The following ENO4 variants were observed in gnomAD, a reference collection of about 807,000 sequenced individuals.
The protein encoded by ENO4 is 2-phospho-D-glycerate hydro-lyase.
In ENO4, 53 loss-of-function variants were observed where a neutral mutation model predicts 63.2. That is an observed-to-expected ratio of 0.84 (90% confidence interval 0.67 to 1.05). The LOEUF (loss-of-function observed/expected upper bound fraction) is 1.05. Ranked by LOEUF, ENO4 falls within the 50% of genes least tolerant of loss-of-function variation. The probability of loss-of-function intolerance (pLI) is 0.00; values close to 1 mark genes in which losing one functional copy is unlikely to be tolerated. For missense variants in ENO4, 719 were observed against 772.0 expected, an observed-to-expected ratio of 0.93 and a Z score of 0.81; for synonymous variants, 266 against 283.8, an observed-to-expected ratio of 0.94 and a Z score of 0.63.
At chr10:116,849,909 G>A (rs1846020386) in intron 1 of ENO4, 178 bp downstream of exon 1, 2 of 772,200 alleles carry the variant, frequency 2.6e-6, no homozygotes, top group Non-Finnish European at 4.5e-6. Context: ...ACACCCAGGG[G>A]TGAAGGGATC....
chr10:116,909,181 G>T (rs756269972), intron 10 of ENO4, among the ~76,000 whole-genome samples: 2 of 152,076 alleles, frequency 1.3e-5, no homozygotes, highest in Non-Finnish European at 2.9e-5. Flanking sequence ...TCATTGATAG[G>T]GCTGGATCTA....
At chr10:116,877,643 G>C (rs1332004249) in intron 11 of ENO4, among the ~76,000 whole-genome samples, 2 of 152,164 alleles carry the variant, frequency 1.3e-5, no homozygotes, top group Non-Finnish European at 2.9e-5. Context: ...GGCAGAATCT[G>C]AGTCATGAAG....
At chr10:116,894,758 G>C (rs1234613343) in intron 10 of ENO4, among the ~76,000 whole-genome samples, 2 of 152,200 alleles carry the variant, frequency 1.3e-5, no homozygotes, top group Non-Finnish European at 2.9e-5. Flanking sequence ...TCACCTTCCT[G>C]AAAGTAATTA....
chr10:116,860,324 G>T (rs1453022103), intron 4 of ENO4, among the ~76,000 whole-genome samples: 2 of 152,186 alleles, frequency 1.3e-5, no homozygotes, highest in African/African-American at 2.4e-5. Context: ...ACAGAACAAG[G>T]CATTGGTTTG....
chr10:116,911,771 A>C (rs1848210173), exon 11 of ENO4: 1 of 1,603,622 alleles, frequency 6.2e-7, no homozygotes, highest in African/African-American at 1.3e-5. Context: ...CTAAACAATA[A>C]ACTGAAATCT....
intron 10 of ENO4, among the ~76,000 whole-genome samples, chr10:116,907,347 C>T (rs746025641): frequency 6.6e-6 from 1 of 152,160 alleles, no homozygotes; most frequent in Non-Finnish European, 1.5e-5. Flanking sequence ...GAGAGGCAAG[C>T]AAGGGTCGGC....
chr10:116,901,845 G>A (rs1469516939), intron 10 of ENO4: 2 of 1,605,644 alleles, frequency 1.2e-6, no homozygotes, highest in South Asian at 2.2e-5. Flanking sequence ...GGGACGGGCT[G>A]TTGAATTCTG....
downstream of ENO4, chr10:116,886,425 C>G: frequency 6.2e-7 from 1 of 1,607,014 alleles, no homozygotes; most frequent in South Asian, 1.1e-5. Context: ...CTTCATCCTC[C>G]TTGTGTTGAG....
At chr10:116,893,602 A>ACACACACACACACACACG (rs1847415903) in intron 10 of ENO4, among the ~76,000 whole-genome samples, 2 of 151,946 alleles carry the variant, frequency 1.3e-5, no homozygotes, top group African/African-American at 4.8e-5. Flanking sequence ...ACACACGAGA[A>ACACACACACACACACACG]AGAAAGCGGA....
intron 11 of ENO4, 53 bp downstream of exon 11, chr10:116,876,313 AC>A: frequency 7.5e-7 from 1 of 1,332,144 alleles, no homozygotes; most frequent in Non-Finnish European, 1.0e-6. Flanking sequence ...TATACAAGAA[AC>A]CAAAAATACA....
chr10:116,876,878 G>A (rs1464005215), intron 11 of ENO4, among the ~76,000 whole-genome samples: 1 of 152,084 alleles, frequency 6.6e-6, no homozygotes. Context: ...GTGAACTTGG[G>A]AGGCGGAGCT....
In ENO4 at chr10:116,881,805, A is replaced by C; in HGVS notation, c.*136A>C. The stretch of plus-strand genomic sequence containing the variant: ...TTGTGGTTTTTATTCTTCTAATTCC[A>C]CTGTTTGGTAAATTACATATATGAT... On this transcript the variant is annotated 3_prime_UTR_variant, in exon 14 of 14. Coordinates refer to ENST00000341276, the MANE Select transcript of ENO4 (RefSeq NM_001242699.2). 1 of 639,938 alleles carries C rather than the reference A, an allele frequency of 1.6e-6. No homozygotes were observed. Among genetic ancestry groups the C allele is most frequent in the Non-Finnish European group, 2.3e-6 (1 of 425,914 alleles). 39.6% of individuals were successfully genotyped at this position (639,938 alleles called of 1,614,324 possible).
intron 10 of ENO4, among the ~76,000 whole-genome samples, chr10:116,899,660 G>A (rs182977703): frequency 2.0e-5 from 3 of 152,144 alleles, no homozygotes; most frequent in South Asian, 2.1e-4. Flanking sequence ...CGCCACTCAC[G>A]TGAAACACTA....
At position 116,900,938 on chromosome 10, in the gene ENO4, T is replaced by A. The variant is rs144968582; in HGVS notation, c.1195-10561T>A. Reference sequence around the variant, plus strand: ...TTGGCAAAAATAGATCCAAATTGAATTCCAACTTCATTTGTCCAGGTTTCA... The same window carrying A: ...TTGGCAAAAATAGATCCAAATTGAAATCCAACTTCATTTGTCCAGGTTTCA... On this transcript the variant is annotated intron_variant, in intron 10 of 10. Coordinates refer to the ENO4 transcript ENST00000369207. 3,265 of 985,440 alleles carry A rather than the reference T, an allele frequency of 3.3e-3. 5 individuals are homozygous for A. Among genetic ancestry groups the A allele is most frequent in the Non-Finnish European group, 3.7e-3 (3,082 of 829,914 alleles). The allele number at this position is 985,440 out of a possible 1,614,324, so 61.0% of individuals were successfully genotyped here.
At chr10:116,877,869 G>T (rs372109084) in intron 11 of ENO4, among the ~76,000 whole-genome samples, 20 of 152,296 alleles carry the variant, frequency 1.3e-4, no homozygotes, top group African/African-American at 4.6e-4. Context: ...GACTTGGAGA[G>T]ATTAGGCAAC....
At chr10:116,911,419 T>C in intron 10 of ENO4, 1 of 1,524,322 alleles carries the variant, frequency 6.6e-7, no homozygotes, top group East Asian at 2.5e-5. Flanking sequence ...GATTCTCCTT[T>C]TAGGCTTCAA....
intron 10 of ENO4, among the ~76,000 whole-genome samples, chr10:116,908,163 G>T (rs1008912577): frequency 6.6e-6 from 1 of 152,104 alleles, no homozygotes; most frequent in African/African-American, 2.4e-5. Context: ...AACAAGATTA[G>T]GAGATTATAT....
At chr10:116,899,685 A>G (rs1847662562) in intron 10 of ENO4, among the ~76,000 whole-genome samples, 1 of 152,250 alleles carries the variant, frequency 6.6e-6, no homozygotes, top group Non-Finnish European at 1.5e-5. Context: ...TGGTGTTGCC[A>G]CAGACAAAAT....
intron 10 of ENO4, among the ~76,000 whole-genome samples, chr10:116,893,437 T>C (rs1847402658): frequency 6.6e-6 from 1 of 152,152 alleles, no homozygotes; most frequent in African/African-American, 2.4e-5. Flanking sequence ...AGCAAATCCT[T>C]TAATTGTATA....
Sources: allele counts gnomAD v4.1 joint callset (sites outside exome capture counted in the v4.1 genomes callset), GRCh38; gene constraint gnomAD v4.1.1; transcripts MANE v1.5; gene names NCBI Gene and HGNC (gene_info 2026-07-23, HGNC 2026-07-21).